Variants in SYNDIG1 observed in about 807,000 individuals in gnomAD.
SYNDIG1 encodes synapse differentiation-inducing gene protein 1.
In SYNDIG1, 9 loss-of-function variants were observed where a neutral mutation model predicts 19.4. The ratio of observed to expected loss-of-function variants is 0.46; its 90% confidence interval spans 0.28 to 0.81. The LOEUF is 0.81. SYNDIG1 is among the 30% of genes least tolerant of loss of function. The pLI is 0.12. For synonymous variants in SYNDIG1, 141 were observed against 145.9 expected (o/e 0.97, Z 0.24); for missense variants, 311 against 343.3 (o/e 0.91, Z 0.74).
At chr20:24,584,383 C>T (rs1009182937) in intron 2 of SYNDIG1, among the ~76,000 whole-genome samples, 2 of 152,234 alleles carry the variant, frequency 1.3e-5, no homozygotes, top group African/African-American at 4.8e-5. Context: ...CAAAGAAAAA[C>T]GCGCCTGGAC....
At chr20:24,532,549 T>C (rs1266413357) in intron 1 of SYNDIG1, among the ~76,000 whole-genome samples, 1 of 152,102 alleles carries the variant, frequency 6.6e-6, no homozygotes, top group Non-Finnish European at 1.5e-5. Flanking sequence ...GTGAATATAC[T>C]AAATCTCACT....
intron 3 of SYNDIG1, among the ~76,000 whole-genome samples, chr20:24,631,316 G>A (rs1378745677): frequency 2.0e-5 from 3 of 152,176 alleles, no homozygotes; most frequent in African/African-American, 4.8e-5. Context: ...CTCCTGCGGC[G>A]GGCATTGCCA....
At chr20:24,515,217 T>C (rs2056835930) in intron 1 of SYNDIG1, among the ~76,000 whole-genome samples, 1 of 151,836 alleles carries the variant, frequency 6.6e-6, no homozygotes, top group Non-Finnish European at 1.5e-5. Flanking sequence ...ATAAAAGAAC[T>C]AGAGAAGCAA....
intron 3 of SYNDIG1, among the ~76,000 whole-genome samples, chr20:24,598,651 A>G (rs562768656): frequency 6.6e-6 from 1 of 152,350 alleles, no homozygotes; most frequent in South Asian, 2.1e-4. Flanking sequence ...ATTCTAGTCC[A>G]ATCTCATTCA....
intron 3 of SYNDIG1, 47 bp downstream of exon 3, chr20:24,585,040 G>C (rs1180810097): frequency 1.4e-6 from 2 of 1,430,348 alleles, no homozygotes; most frequent in East Asian, 2.5e-5. Context: ...GTGTTCACAG[G>C]GTGGGGGTGG....
At position 24,534,555 on chromosome 20, in the gene SYNDIG1, C is replaced by T. The variant is rs536758489; in HGVS notation, c.-78-8465C>T. ...TCTGGCCCTGGCTAACTCCTCACCC[C>T]GTTCAGGGCTTGCCGTCAGCGGGTC... On this transcript the variant is annotated intron_variant, in intron 1 of 3. Coordinates refer to ENST00000376862, the MANE Select transcript of SYNDIG1 (RefSeq NM_024893.3). Among the ~76,000 whole-genome samples, 15 of 152,354 alleles carry T rather than the reference C, an allele frequency of 9.8e-5. No individual in the cohort carries two copies. The South Asian group carries it at 2.5e-3, about 25-fold the overall frequency.
At chr20:24,637,777 C>T (rs900987486) in intron 3 of SYNDIG1, among the ~76,000 whole-genome samples, 27 of 152,214 alleles carry the variant, frequency 1.8e-4, no homozygotes, top group African/African-American at 6.5e-4. Flanking sequence ...CACAGCAGGG[C>T]AGAGGCAGTG....
intron 2 of SYNDIG1, among the ~76,000 whole-genome samples, chr20:24,576,253 GT>G (rs1362439925): frequency 2.0e-5 from 3 of 152,192 alleles, no homozygotes; most frequent in Non-Finnish European, 4.4e-5. Flanking sequence ...AAAATCTGGT[GT>G]TTTTGTTGGT....
intron 3 of SYNDIG1, among the ~76,000 whole-genome samples, chr20:24,635,803 C>G (rs1306914515): frequency 6.6e-6 from 1 of 152,166 alleles, no homozygotes; most frequent in Non-Finnish European, 1.5e-5. Flanking sequence ...GACTGCCCTT[C>G]CAGTTTCCTC....
intron 1 of SYNDIG1, among the ~76,000 whole-genome samples, chr20:24,530,484 G>C (rs111931269): frequency 1.3e-5 from 2 of 152,200 alleles, no homozygotes; most frequent in Admixed American, 1.3e-4. Flanking sequence ...CAAATCACAG[G>C]CTTTTCTGTG....
intron 3 of SYNDIG1, among the ~76,000 whole-genome samples, chr20:24,609,154 T>G (rs6049811): frequency 0.32 from 48,231 of 152,116 alleles, 8,247 homozygotes; most frequent in Admixed American, 0.43. Flanking sequence ...CATGCTTCAC[T>G]ACTCTGGAGG....
chr20:24,512,351 C>A (rs1359270761), intron 1 of SYNDIG1, among the ~76,000 whole-genome samples: 1 of 151,080 alleles, frequency 6.6e-6, no homozygotes, highest in Non-Finnish European at 1.5e-5. Flanking sequence ...CATTGCCTCG[C>A]CCGGGAAGCA....
At chr20:24,557,709 G>A (rs1252675066) in intron 2 of SYNDIG1, among the ~76,000 whole-genome samples, 2 of 152,176 alleles carry the variant, frequency 1.3e-5, no homozygotes, top group East Asian at 3.9e-4. Flanking sequence ...GTGTCAGTCT[G>A]CCCGTACTGG....
At chr20:24,567,305 C>T (rs779461956) in intron 2 of SYNDIG1, among the ~76,000 whole-genome samples, 3 of 152,158 alleles carry the variant, frequency 2.0e-5, no homozygotes, top group South Asian at 2.1e-4. Context: ...GGCTCCACAT[C>T]GGTGCACACT....
intron 3 of SYNDIG1, among the ~76,000 whole-genome samples, chr20:24,634,744 A>G (rs1369332992): frequency 2.0e-5 from 3 of 152,118 alleles, no homozygotes; most frequent in Admixed American, 6.5e-5. Context: ...TTTCTGACAC[A>G]GTTTTTAGTC....
intron 3 of SYNDIG1, among the ~76,000 whole-genome samples, chr20:24,602,104 C>T (rs1816909121): frequency 6.6e-6 from 1 of 151,974 alleles, no homozygotes; most frequent in African/African-American, 2.4e-5. Context: ...TGTTTTATTT[C>T]CTGGAACATA....
intron 1 of SYNDIG1, among the ~76,000 whole-genome samples, chr20:24,510,241 C>T (rs1227069921): frequency 6.6e-6 from 1 of 152,126 alleles, no homozygotes; most frequent in Non-Finnish European, 1.5e-5. Flanking sequence ...GAAACCTACT[C>T]TTGGTTTGCT....
chr20:24,502,370 G>A (rs1164615251), intron 1 of SYNDIG1: 1 of 152,482 alleles, frequency 6.6e-6, no homozygotes, highest in African/African-American at 2.4e-5. Flanking sequence ...GGCGAGCAGG[G>A]CTTGGAGTGT....
At chr20:24,474,177 C>T (rs1011407579) in intron 1 of SYNDIG1, among the ~76,000 whole-genome samples, 2 of 152,206 alleles carry the variant, frequency 1.3e-5, no homozygotes, top group African/African-American at 4.8e-5. Context: ...ATAAAACTTA[C>T]ATGATGCATT....
Sources: allele counts gnomAD v4.1 joint callset (sites outside exome capture counted in the v4.1 genomes callset), GRCh38; gene constraint gnomAD v4.1.1; transcripts MANE v1.5; gene names NCBI Gene and HGNC (gene_info 2026-07-23, HGNC 2026-07-21).